Variants in SYNE2 observed in about 807,000 individuals in gnomAD.
The protein encoded by SYNE2 is spectrin repeat containing nuclear envelope protein 2, also known as nesprin-2.
SYNE2 carries 431 observed loss-of-function variants against 856.3 expected under a neutral mutation model. The ratio of observed to expected loss-of-function variants is 0.50; its 90% confidence interval spans 0.47 to 0.55. The LOEUF (loss-of-function observed/expected upper bound fraction) is 0.55. SYNE2 is among the 20% of genes least tolerant of loss of function. SYNE2 has a pLI of 0.00. For missense variants in SYNE2, 8,129 were observed against 8,023.2 expected (o/e 1.01, Z -0.50); for synonymous variants, 2,923 against 2,872.3 (o/e 1.02, Z -0.56).
At chr14:63,859,261 T>A in intron 1 of SYNE2, among the ~76,000 whole-genome samples, 1 of 152,214 alleles carries the variant, frequency 6.6e-6, no homozygotes. Flanking sequence ...TTTATTGAAC[T>A]CCATGAACCA....
intron 45 of SYNE2, among the ~76,000 whole-genome samples, chr14:64,032,798 T>A (rs1488554292): frequency 6.6e-6 from 1 of 152,162 alleles, no homozygotes; most frequent in Non-Finnish European, 1.5e-5. Context: ...GTGATATGTC[T>A]TAGAGGATTA....
intron 1 of SYNE2, among the ~76,000 whole-genome samples, chr14:63,868,118 TTAAC>T (rs1895911001): frequency 6.6e-6 from 1 of 151,712 alleles, no homozygotes; most frequent in Non-Finnish European, 1.5e-5. Flanking sequence ...GTGTAATAAA[TTAAC>T]TAACAGAACT....
At position 64,199,021 on chromosome 14, in the gene SYNE2, C is replaced by A. The variant is rs116193236; in HGVS notation, c.18039-3780C>A. On this transcript the variant is annotated intron_variant, in intron 99 of 115. Transcript: ENST00000555002. ...GAATCCTCAGGGTCTGTGCAGGATC[C>A]AAGACAAGGCAAATGGTTAAGTGTT... Among the ~76,000 whole-genome samples, 340 of 152,256 alleles carry A rather than the reference C, an allele frequency of 2.2e-3. 4 individuals carry two copies. The highest frequency in any genetic ancestry group is 8.0e-3 in the African/African-American group (331 of 41,526).
intron 65 of SYNE2, among the ~76,000 whole-genome samples, chr14:64,108,005 A>C (rs61984144): frequency 6.6e-6 from 1 of 152,214 alleles, no homozygotes; most frequent in Admixed American, 6.5e-5. Flanking sequence ...AGGTAGGTTC[A>C]TACCTACCAT....
At chr14:63,927,510 T>C (rs1595687375) in intron 2 of SYNE2, among the ~76,000 whole-genome samples, 1 of 152,278 alleles carries the variant, frequency 6.6e-6, no homozygotes, top group East Asian at 1.9e-4. Context: ...ACTATTCTCG[T>C]GATAATGAAT....
chr14:64,154,997 A>T (rs1489079543), intron 85 of SYNE2, among the ~76,000 whole-genome samples: 1 of 152,206 alleles, frequency 6.6e-6, no homozygotes, highest in Non-Finnish European at 1.5e-5. Flanking sequence ...GTTAATGTGG[A>T]TGTGGAGACG....
rs887602495 is a variant in SYNE2, at chr14:64,130,273, G to A, written c.14340+25G>A. The A allele has an allele frequency of 4.4e-6, 7 of 1,591,464 alleles. No homozygotes were observed. The African/African-American group carries it at 8.1e-5, about 18-fold the overall frequency. ...GGTGAGACAGACACATGGGTCGGGT[G>A]ACCCCTTCATAGACTAAAATCTTAA... On this transcript the variant is annotated intron_variant, in intron 76 of 115. Coordinates refer to ENST00000555002, the MANE Select transcript of SYNE2 (RefSeq NM_182914.3).
At chr14:64,199,733 A>T (rs902265870) in intron 99 of SYNE2, among the ~76,000 whole-genome samples, 1 of 151,850 alleles carries the variant, frequency 6.6e-6, no homozygotes, top group African/African-American at 2.4e-5. Context: ...AAAAAAAAAA[A>T]AAAGTACATG....
chr14:63,775,226 C>T (rs1257098851), intron 1 of SYNE2, among the ~76,000 whole-genome samples: 4 of 152,032 alleles, frequency 2.6e-5, no homozygotes, highest in Admixed American at 1.3e-4. Context: ...TCCACCACCT[C>T]GGCCTCCCAA....
At chr14:63,831,459 T>C (rs1349230697) in intron 1 of SYNE2, among the ~76,000 whole-genome samples, 1 of 152,052 alleles carries the variant, frequency 6.6e-6, no homozygotes, top group East Asian at 1.9e-4. Context: ...TTTTAGCTTG[T>C]GTATTTGTCT....
chr14:63,985,077 G>C (rs946326184), intron 18 of SYNE2, among the ~76,000 whole-genome samples: 5 of 152,102 alleles, frequency 3.3e-5, no homozygotes, highest in African/African-American at 4.8e-5. Context: ...GGTGGCTCAT[G>C]CCAGCACTTT....
intron 99 of SYNE2, among the ~76,000 whole-genome samples, chr14:64,193,403 A>G (rs573506014): frequency 2.8e-4 from 42 of 152,160 alleles, no homozygotes; most frequent in Admixed American, 3.9e-4. Flanking sequence ...TACAAAAACT[A>G]CCTGGGCGTG....
At chr14:64,074,220 T>G in intron 53 of SYNE2, 84 bp downstream of exon 53, 1 of 1,406,078 alleles carries the variant, frequency 7.1e-7, no homozygotes, top group Non-Finnish European at 1.0e-6. Context: ...GATAACTCAG[T>G]GGCTGGGTTT....
intron 46 of SYNE2, chr14:64,049,001 G>A (rs1239111095): frequency 6.6e-6 from 1 of 151,832 alleles, no homozygotes; most frequent in Non-Finnish European, 1.5e-5. Flanking sequence ...TAGGAAAGAT[G>A]GGTGATGTAT....
chr14:64,176,752 T>C (rs1297279819), intron 95 of SYNE2, among the ~76,000 whole-genome samples: 1 of 152,094 alleles, frequency 6.6e-6, no homozygotes, highest in African/African-American at 2.4e-5. Context: ...ATGAGAGGGA[T>C]TGGGGAGAGA....
intron 1 of SYNE2, among the ~76,000 whole-genome samples, chr14:63,871,236 A>T (rs1363038065): frequency 6.7e-6 from 1 of 148,916 alleles, no homozygotes; most frequent in African/African-American, 2.5e-5. Context: ...ACAGAGTTTC[A>T]CTTTTGTTGC....
intron 99 of SYNE2, among the ~76,000 whole-genome samples, chr14:64,201,972 T>C (rs2098570568): frequency 6.6e-6 from 1 of 152,200 alleles, no homozygotes; most frequent in African/African-American, 2.4e-5. Context: ...TATTTTAGTA[T>C]ATATGTCAGA....
At chr14:63,828,083 G>C (rs1889528813) in intron 1 of SYNE2, among the ~76,000 whole-genome samples, 1 of 151,414 alleles carries the variant, frequency 6.6e-6, no homozygotes, top group African/African-American at 2.4e-5. Flanking sequence ...TGTAACCCCA[G>C]CTGCTCCAGA....
chr14:63,814,925 CATATATCTATCCAT>C (rs1239777002), intron 1 of SYNE2, among the ~76,000 whole-genome samples: 3 of 91,996 alleles, frequency 3.3e-5, no homozygotes, highest in Non-Finnish European at 4.7e-5. Flanking sequence ...TATATCTATC[CATATATCTATCCAT>C]ATATATCTAT....
Sources: gnomAD v4.1 joint callset for allele counts (sites outside exome capture counted in the v4.1 genomes callset) on GRCh38, gnomAD v4.1.1 for gene constraint, MANE v1.5 for transcripts, NCBI Gene and HGNC (gene_info 2026-07-23, HGNC 2026-07-21) for gene names.